Variants in PAOX observed in about 807,000 individuals in gnomAD.
PAOX encodes the protein polyamine oxidase, also known as peroxisomal N(1)-acetyl-spermine/spermidine oxidase.
A neutral mutation model predicts 39.0 loss-of-function variants in PAOX; 38 were observed. That is an observed-to-expected ratio of 0.97 (90% CI 0.75 to 1.28). The LOEUF (loss-of-function observed/expected upper bound fraction) is 1.28. Ranked by LOEUF, PAOX falls within the 50% of genes most tolerant of loss-of-function variation. The probability of loss-of-function intolerance (pLI) is 0.00; values close to 1 mark genes in which losing one functional copy is unlikely to be tolerated. For missense variants in PAOX, 667 were observed against 685.7 expected, an observed-to-expected ratio of 0.97 and a Z score of 0.30; for synonymous variants, 311 against 314.4, an observed-to-expected ratio of 0.99 and a Z score of 0.11.
At position 133,379,437 on chromosome 10, in the gene PAOX, C is replaced by G; in HGVS notation, c.121C>G (p.Leu41Val). The change falls in exon 1 of 7, where the codon CTG (leucine) becomes GTG (valine). Residue 41 changes from leucine to valine, a missense_variant. Coordinates refer to ENST00000278060, the MANE Select transcript of PAOX (RefSeq NM_152911.4). ...CTGCGGCCACTCCGCCTTCCCGCAC[C>G]TGCGGGTCCTGGAGGCCACGGCCCG... ...RLCGHSAFPH[L>V]RVLEATARAG... is the part of the protein sequence containing the mutation. 1 of 1,225,018 alleles carries G rather than the reference C, an allele frequency of 8.2e-7. No homozygotes were observed. 75.9% of individuals were successfully genotyped at this position (1,225,018 alleles called of 1,614,324 possible). A position where few individuals can be genotyped will look rare whatever the true frequency, so the allele number is the denominator to read the frequency against.
rs1452267925 is a variant in PAOX, at chr10:133,389,587, C to T, written c.1235-3C>T. 3 of 1,613,836 alleles carry T rather than the reference C, an allele frequency of 1.9e-6. No homozygotes were observed. The highest frequency in any genetic ancestry group is 2.5e-6 in the Non-Finnish European group (3 of 1,180,030). ...GTTAACATGCAGTGTCTCTGTGGCT[C>T]AGGAAACCCACGGCTCCCCGCGCCC... is the stretch of plus-strand genomic sequence containing the variant. On this transcript the variant is annotated splice_region_variant and splice_polypyrimidine_tract_variant and intron_variant, in intron 5 of 6. Transcript: ENST00000278060.
At position 133,391,368 on chromosome 10, in the gene PAOX, C is replaced by G. The variant is rs146088141; in HGVS notation, c.1449C>G (p.His483Gln). The G allele has an allele frequency of 5.8e-4, 939 of 1,613,520 alleles. 12 individuals carry two copies. The highest frequency in any genetic ancestry group is 5.0e-3 in the South Asian group (459 of 91,078). The change falls in exon 7 of 7, where the codon CAC becomes CAG. Residue 483 changes from histidine (H) to glutamine (Q), a missense_variant. Coordinates refer to ENST00000278060, the MANE Select transcript of PAOX (RefSeq NM_152911.4). ...ATHRTFYSTT[H>Q]GALLSGWREA... ...ATCGCACGTTTTACTCCACGACGCA[C>G]GGGGCTCTGCTGTCGGGATGGAGGG...
In PAOX at chr10:133,379,306, C is replaced by T. The variant is rs932420500; in HGVS notation, c.-11C>T. ...GCTACTCAGAAGCCCTCGGACTGCC[C>T]GGACCGCGCGATGGAGTCGACCGGC... On this transcript the variant is annotated 5_prime_UTR_variant, in exon 1 of 7. Coordinates refer to ENST00000278060, the MANE Select transcript of PAOX (RefSeq NM_152911.4). The T allele has an allele frequency of 9.9e-6, 12 of 1,214,642 alleles. No individual in the cohort carries two copies. The highest frequency in any genetic ancestry group is 1.1e-5 in the Non-Finnish European group (11 of 977,472). 75.2% of individuals were successfully genotyped at this position (1,214,642 alleles called of 1,614,324 possible). A position where few individuals can be genotyped will look rare whatever the true frequency, so the allele number is the denominator to read the frequency against.
Position 133,380,344 on chromosome 10 carries a change from C to T in PAOX, c.527C>T (p.Thr176Ile), listed in dbSNP as rs776562504. The T allele has an allele frequency of 2.4e-5, 38 of 1,612,790 alleles. No individual in the cohort carries two copies. The highest frequency in any genetic ancestry group is 2.8e-5 in the Non-Finnish European group (33 of 1,180,046). ...GCCGGCTGGACAGAGGATGAGGAGA[C>T]CAGGAAGCTGAAGCTGGCCGTCCTG... ...HVAGWTEDEE[T>I]RKLKLAVLNS... is the part of the protein sequence containing the mutation. The change falls in exon 2 of 7, where the codon ACC becomes ATC. Residue 176 changes from threonine to isoleucine, a missense_variant. Physicochemically the swap from Thr to Ile is moderately conservative, Grantham distance 89. Transcript: ENST00000278060.
intron 4 of PAOX, among the ~76,000 whole-genome samples, chr10:133,386,514 G>T (rs1406320877): frequency 1.3e-5 from 2 of 152,056 alleles, no homozygotes; most frequent in Middle Eastern, 3.4e-3. Flanking sequence ...TGCTTTTGTC[G>T]CCCAGGCTGG....
Position 133,380,316 on chromosome 10 carries a change from G to A in PAOX, c.499G>A (p.Val167Met), listed in dbSNP as rs140228392. 7 of 1,612,814 alleles carry A rather than the reference G, an allele frequency of 4.3e-6. No homozygotes were observed. The highest frequency in any genetic ancestry group is 3.3e-5 in the Admixed American group (2 of 60,006). The change falls in exon 2 of 7, where the codon GTG becomes ATG. Residue 167 changes from valine to methionine, a missense_variant. Physicochemically the swap from Val to Met is conservative, Grantham distance 21. Transcript: ENST00000278060. ...CCTCAAGAAGGAGATTGGCCAGCACGTGGCCGGCTGGACAGAGGATGAGGA... is the reference window on the plus strand; with the variant it reads ...CCTCAAGAAGGAGATTGGCCAGCACATGGCCGGCTGGACAGAGGATGAGGA... ...EYLKKEIGQH[V>M]AGWTEDEETR...
At chr10:133,381,939 G>T (rs564758204) in intron 3 of PAOX, among the ~76,000 whole-genome samples, 2 of 152,074 alleles carry the variant, frequency 1.3e-5, no homozygotes, top group Non-Finnish European at 2.9e-5. Flanking sequence ...TAACCACACC[G>T]CACTTTGCTG....
In PAOX at chr10:133,379,502, C is replaced by G; in HGVS notation, c.181+5C>G. On this transcript the variant is annotated splice_donor_5th_base_variant and intron_variant, in intron 1 of 6. Coordinates refer to ENST00000278060, the MANE Select transcript of PAOX (RefSeq NM_152911.4). ...TCCGCTCGGAGCGCTGCTTCGGTAA[C>G]CGCCCCTCCCGGAGCCCCTCCCGGA... The G allele has an allele frequency of 8.2e-7, 1 of 1,225,668 alleles. No individual in the cohort carries two copies. Among genetic ancestry groups the G allele is most frequent in the South Asian group, 4.1e-5 (1 of 24,120 alleles). 75.9% of individuals were successfully genotyped at this position (1,225,668 alleles called of 1,614,324 possible). A position where few individuals can be genotyped will look rare whatever the true frequency, so the allele number is the denominator to read the frequency against.
At chr10:133,381,220 C>T (rs919379932) in intron 2 of PAOX, among the ~76,000 whole-genome samples, 1 of 152,224 alleles carries the variant, frequency 6.6e-6, no homozygotes, top group African/African-American at 2.4e-5. Flanking sequence ...GCCCTGGTTC[C>T]GGCAGATTGC....
At position 133,380,275 on chromosome 10, in the gene PAOX, C is replaced by T; in HGVS notation, c.458C>T (p.Pro153Leu). 6.2e-7 allele frequency: 1 copy of T among 1,612,882 alleles called. No individual in the cohort carries two copies. The highest frequency in any genetic ancestry group is 8.5e-7 in the Non-Finnish European group (1 of 1,180,012). Reference sequence around the variant, plus strand: ...CTGCACGCTGCAGAGACCCCGGTGCCCAGCGTCGGGGAGTACCTCAAGAAG... The same window carrying T: ...CTGCACGCTGCAGAGACCCCGGTGCTCAGCGTCGGGGAGTACCTCAAGAAG... ...EFLHAAETPV[P>L]SVGEYLKKEI... Residue 153 changes from proline (P) to leucine (L), a missense_variant, in exon 2 of 7, where the codon CCC (proline) becomes CTC (leucine). By Grantham distance (98) the Pro-to-Leu change is moderately conservative (BLOSUM62 -3). Coordinates refer to ENST00000278060, the MANE Select transcript of PAOX (RefSeq NM_152911.4).
chr10:133,391,234 A>AT lies in PAOX; in HGVS notation c.1393-78_1393-77insT, dbSNP rs1849672854. 3.5e-6 allele frequency: 5 copies of AT among 1,430,064 alleles called. No individual in the cohort carries two copies. In the South Asian group the frequency reaches 4.6e-5, roughly 13 times the overall value. The allele number at this position is 1,430,064 out of a possible 1,614,324, so 88.6% of individuals were successfully genotyped here. A position where few individuals can be genotyped will look rare whatever the true frequency, so the allele number is the denominator to read the frequency against. On this transcript the variant is annotated intron_variant, in intron 6 of 6. Coordinates refer to ENST00000278060, the MANE Select transcript of PAOX (RefSeq NM_152911.4). The stretch of plus-strand genomic sequence containing the variant: ...TCCTGCTTCTTGGTGGATGCTTGTG[A>AT]GCCATTTTCTGTGTTTCCTTGCCCA...
chr10:133,390,907 C>A, intron 6 of PAOX: 1 of 625,034 alleles, frequency 1.6e-6, no homozygotes, highest in Non-Finnish European at 3.0e-6. Context: ...TCTCTAAAAG[C>A]TGTTCACACC....
intron 2 of PAOX, 145 bp downstream of exon 2, chr10:133,380,630 C>T (rs1849339971): frequency 1.6e-6 from 2 of 1,228,018 alleles, no homozygotes; most frequent in East Asian, 5.1e-5. Flanking sequence ...TGCTCCTTTC[C>T]CTAGTTTTGC....
chr10:133,379,440 C>A lies in PAOX; in HGVS notation c.124C>A (p.Arg42=). The change falls in exon 1 of 7, where the codon CGG becomes AGG. Residue 42 remains arginine (R), a synonymous_variant. Coordinates refer to ENST00000278060, the MANE Select transcript of PAOX (RefSeq NM_152911.4). ...CGGCCACTCCGCCTTCCCGCACCTG[C>A]GGGTCCTGGAGGCCACGGCCCGCGC... ...LCGHSAFPHL[R]VLEATARAGG... is the part of the protein sequence containing the mutation. 10 of 1,225,144 alleles carry A rather than the reference C, an allele frequency of 8.2e-6. No individual in the cohort carries two copies. The highest frequency in any genetic ancestry group is 9.1e-6 in the Non-Finnish European group (9 of 983,854). The allele number at this position is 1,225,144 out of a possible 1,614,324, so 75.9% of individuals were successfully genotyped here. A position where few individuals can be genotyped will look rare whatever the true frequency, so the allele number is the denominator to read the frequency against.
chr10:133,390,561 AG>A (rs1248113482), intron 6 of PAOX, among the ~76,000 whole-genome samples: 5 of 152,232 alleles, frequency 3.3e-5, no homozygotes, highest in Non-Finnish European at 5.9e-5. Context: ...TGGGTGTCAG[AG>A]CAAGACTCTG....
At chr10:133,390,728 C>T in intron 6 of PAOX, 1 of 558,280 alleles carries the variant, frequency 1.8e-6, no homozygotes, top group East Asian at 3.0e-5. Context: ...GGAAATGTTG[C>T]TTCTTGAGTT....
At chr10:133,381,221 G>C (rs929366209) in intron 2 of PAOX, among the ~76,000 whole-genome samples, 1 of 152,200 alleles carries the variant, frequency 6.6e-6, no homozygotes, top group Non-Finnish European at 1.5e-5. Flanking sequence ...CCCTGGTTCC[G>C]GCAGATTGCC....
intron 5 of PAOX, 72 bp downstream of exon 5, chr10:133,389,140 T>G: frequency 3.1e-6 from 4 of 1,294,788 alleles, no homozygotes; most frequent in Non-Finnish European, 4.5e-6. Flanking sequence ...GAAACTAGAC[T>G]TTGCAGAACA....
chr10:133,381,265 C>T (rs938279792), intron 2 of PAOX, among the ~76,000 whole-genome samples, 195 bp from the exon 3 acceptor site: 2 of 152,242 alleles, frequency 1.3e-5, no homozygotes, highest in African/African-American at 2.4e-5. Context: ...CCCTCCCTTA[C>T]AGCCTGGAGG....
Sources: gnomAD v4.1 joint callset for allele counts (sites outside exome capture counted in the v4.1 genomes callset) on GRCh38, gnomAD v4.1.1 for gene constraint, MANE v1.5 for transcripts, NCBI Gene and HGNC (gene_info 2026-07-23, HGNC 2026-07-21) for gene names.